CERS6: variants seen among roughly 807,000 people sequenced by gnomAD.
CERS6 encodes ceramide synthase 6.
Under a neutral mutation model 56.8 loss-of-function variants are expected in CERS6, and 26 were observed. The observed-to-expected ratio is 0.46, with a 90% CI of 0.34 to 0.63. The LOEUF is 0.63. Ranked by LOEUF, CERS6 falls within the 30% of genes least tolerant of loss-of-function variation. CERS6 has a pLI of 0.01. For synonymous variants in CERS6, 164 were observed against 173.3 expected (o/e 0.95, Z 0.42); for missense variants, 415 against 467.5 (o/e 0.89, Z 1.04).
intron 4 of CERS6, among the ~76,000 whole-genome samples, chr2:168,678,659 G>A (rs1420184075): frequency 3.9e-5 from 6 of 152,098 alleles, no homozygotes; most frequent in Admixed American, 1.3e-4. Flanking sequence ...AGGAGGTGGC[G>A]TGGCTCCAGA....
chr2:168,609,663 T>C (rs114544094), intron 3 of CERS6, among the ~76,000 whole-genome samples: 13 of 152,298 alleles, frequency 8.5e-5, no homozygotes, highest in African/African-American at 3.1e-4. Flanking sequence ...CCCTGCTCTG[T>C]GTTACCCTAA....
chr2:168,734,548 A>ACACG (rs1399248063), intron 8 of CERS6, among the ~76,000 whole-genome samples: 4 of 152,216 alleles, frequency 2.6e-5, no homozygotes, highest in Admixed American at 2.0e-4. Context: ...AGACAGACAG[A>ACACG]CACGCACACA....
intron 4 of CERS6, among the ~76,000 whole-genome samples, chr2:168,642,198 G>A (rs770115726): frequency 2.6e-5 from 4 of 151,898 alleles, no homozygotes; most frequent in African/African-American, 7.3e-5. Context: ...GTGACAAAAC[G>A]CCGTCTCTAC....
chr2:168,576,595 T>A (rs1341969886), intron 3 of CERS6, among the ~76,000 whole-genome samples: 3 of 152,226 alleles, frequency 2.0e-5, no homozygotes, highest in African/African-American at 7.2e-5. Flanking sequence ...AATTTTTTTA[T>A]TTTGAAAACT....
chr2:168,653,762 T>C (rs1480333170), intron 4 of CERS6, among the ~76,000 whole-genome samples: 1 of 152,254 alleles, frequency 6.6e-6, no homozygotes, highest in Admixed American at 6.5e-5. Flanking sequence ...AGTAAAATTC[T>C]GCCAAAACCA....
At chr2:168,682,276 A>G (rs1036261574) in intron 4 of CERS6, among the ~76,000 whole-genome samples, 1 of 152,208 alleles carries the variant, frequency 6.6e-6, no homozygotes, top group Non-Finnish European at 1.5e-5. Context: ...AATTATAGCT[A>G]TGACAATATG....
At chr2:168,720,673 T>C (rs1483551853) in intron 8 of CERS6, among the ~76,000 whole-genome samples, 1 of 152,154 alleles carries the variant, frequency 6.6e-6, no homozygotes, top group Non-Finnish European at 1.5e-5. Flanking sequence ...AAACACTAAG[T>C]GATTTTATGT....
intron 4 of CERS6, among the ~76,000 whole-genome samples, chr2:168,677,305 T>C (rs1054281403): frequency 1.3e-5 from 2 of 152,088 alleles, no homozygotes; most frequent in African/African-American, 4.8e-5. Flanking sequence ...TTGCTGAGAA[T>C]GATGGTTTCC....
chr2:168,514,436 A>G (rs1324683376), intron 1 of CERS6, among the ~76,000 whole-genome samples: 1 of 131,508 alleles, frequency 7.6e-6, no homozygotes, highest in Non-Finnish European at 1.5e-5. Context: ...GATAGGGCCA[A>G]GAAAAAGGCA....
rs1686601673 is a variant in CERS6, at chr2:168,694,840, A to G, written c.517-119A>G. On this transcript the variant is annotated intron_variant, in intron 5 of 9. Transcript: ENST00000305747. ...CATCTACAAAAAGAATAGGACAGGAACTGCCTTTGTGCAGGTGCAAGACCA... is the reference window on the plus strand; with the variant it reads ...CATCTACAAAAAGAATAGGACAGGAGCTGCCTTTGTGCAGGTGCAAGACCA... 8.3e-6 allele frequency: 6 copies of G among 723,230 alleles called. No individual in the cohort carries two copies. In the East Asian group the frequency reaches 1.5e-4, roughly 18 times the overall value. 44.8% of individuals were successfully genotyped at this position (723,230 alleles called of 1,614,324 possible).
intron 3 of CERS6, among the ~76,000 whole-genome samples, chr2:168,585,174 A>G (rs1253193862): frequency 6.6e-6 from 1 of 152,254 alleles, no homozygotes; most frequent in Admixed American, 6.5e-5. Context: ...AGCCATTGAT[A>G]GAAGTGGAGA....
At chr2:168,622,335 G>A (rs755830149) in intron 3 of CERS6, among the ~76,000 whole-genome samples, 4 of 152,292 alleles carry the variant, frequency 2.6e-5, no homozygotes, top group East Asian at 1.9e-4. Flanking sequence ...ATTCAAAGCC[G>A]TCCTGGCCTG....
intron 6 of CERS6, among the ~76,000 whole-genome samples, chr2:168,697,998 A>G (rs1686703299): frequency 6.6e-6 from 1 of 152,190 alleles, no homozygotes; most frequent in Admixed American, 6.5e-5. Context: ...ACTGCTGTAA[A>G]GAAGTACCTG....
intron 3 of CERS6, chr2:168,583,047 A>C (rs1574080141): frequency 6.5e-6 from 1 of 152,804 alleles, no homozygotes; most frequent in Non-Finnish European, 1.5e-5. Context: ...AAAATAATGC[A>C]TAGACAAATG....
Position 168,738,090 on chromosome 2 carries a change from T to C in CERS6, c.845+20112T>C, listed in dbSNP as rs528543371. Among the ~76,000 whole-genome samples, 28 of 152,364 alleles carry C rather than the reference T, an allele frequency of 1.8e-4. No individual in the cohort carries two copies. In the South Asian group the frequency reaches 3.7e-3, roughly 20 times the overall value. On this transcript the variant is annotated intron_variant, in intron 8 of 9. Transcript: ENST00000305747. Reference sequence around the variant, plus strand: ...TTATTCTATTTTCTATTTGTGGGTATATTTGAAATTTTCAGTTATAAAGGT... The same window carrying C: ...TTATTCTATTTTCTATTTGTGGGTACATTTGAAATTTTCAGTTATAAAGGT...
rs1683586459 is a variant in CERS6 at position 168,732,900 on chromosome 2, T to C, written c.845+14922T>C. ...AGAAAGAAGTCAAATAAAGTGATGC[T>C]TGGTTGTGTGTTTACAATGCAAAGA... On this transcript the variant is annotated intron_variant, in intron 8 of 9. Transcript: ENST00000305747. Among the ~76,000 whole-genome samples, 3 of 152,216 alleles carry C rather than the reference T, an allele frequency of 2.0e-5. No individual in the cohort carries two copies. The South Asian group carries it at 6.2e-4, about 31-fold the overall frequency.
At chr2:168,630,069 G>C (rs1415157948) in intron 3 of CERS6, among the ~76,000 whole-genome samples, 1 of 152,036 alleles carries the variant, frequency 6.6e-6, no homozygotes, top group African/African-American at 2.4e-5. Context: ...ACCTGCCTCA[G>C]CCTCCCAAAG....
intron 3 of CERS6, among the ~76,000 whole-genome samples, chr2:168,603,506 T>C (rs1297136144): frequency 6.6e-6 from 1 of 152,222 alleles, no homozygotes; most frequent in Non-Finnish European, 1.5e-5. Context: ...AATGCCTGGA[T>C]TTTACAAGAG....
At position 168,507,918 on chromosome 2, in the gene CERS6, T is replaced by G. The variant is rs755499638; in HGVS notation, c.171-39678T>G. ...CCATTAGATATTTCAAGTTGCTAAC[T>G]GTGCCTTAAGCATAGGTAATAGTAT... On this transcript the variant is annotated intron_variant, in intron 1 of 9. Transcript: ENST00000305747. Among the ~76,000 whole-genome samples, 93 of 152,238 alleles carry G rather than the reference T, an allele frequency of 6.1e-4. 1 individual carries two copies. The highest frequency in any genetic ancestry group is 9.7e-4 in the Non-Finnish European group (66 of 68,046).
Sources: gnomAD v4.1 joint callset for allele counts (sites outside exome capture counted in the v4.1 genomes callset) on GRCh38, gnomAD v4.1.1 for gene constraint, MANE v1.5 for transcripts, NCBI Gene and HGNC (gene_info 2026-07-23, HGNC 2026-07-21) for gene names.